Variants in USP33 observed in about 807,000 individuals in gnomAD.
The protein encoded by USP33 is ubiquitin carboxyl-terminal hydrolase 33.
A neutral mutation model predicts 124.2 loss-of-function variants in USP33; 46 were observed. That is an observed-to-expected ratio of 0.37 (90% CI 0.29 to 0.47). The LOEUF is 0.47. Among genes scored for constraint, USP33 ranks in the 20% least tolerant of loss-of-function variants. The probability of loss-of-function intolerance (pLI) is 0.99; values close to 1 mark genes in which losing one functional copy is unlikely to be tolerated. For missense variants in USP33, 851 were observed against 1,070.6 expected (o/e 0.79, Z 2.86); for synonymous variants, 350 against 352.3 (o/e 0.99, Z 0.07).
Position 77,717,848 on chromosome 1 carries a change from G to A in USP33, c.1918+19C>T, listed in dbSNP as rs1352664313. ...TTTTTTTTTAAATCTAGGAACAACT[G>A]TTAAACCTATATACTTACTACTTGC... is the stretch of plus-strand genomic sequence containing the variant. On this transcript the variant is annotated intron_variant, in intron 17 of 23. Coordinates refer to ENST00000370794, the MANE Select transcript of USP33 (RefSeq NM_201624.3). The A allele has an allele frequency of 2.6e-6, 4 of 1,560,196 alleles. No homozygotes were observed.
intron 1 of USP33, among the ~76,000 whole-genome samples, chr1:77,752,077 T>C (rs1231393695): frequency 6.6e-6 from 1 of 152,032 alleles, no homozygotes; most frequent in East Asian, 1.9e-4. Context: ...TAATAGAAGA[T>C]AATCAATCAG....
intron 21 of USP33, among the ~76,000 whole-genome samples, chr1:77,702,949 T>C (rs903712663): frequency 6.6e-6 from 1 of 151,996 alleles, no homozygotes; most frequent in Admixed American, 6.6e-5. Context: ...GTGTAAGTAA[T>C]TGCCCATCTC....
In USP33 at chr1:77,714,799, A is replaced by T; in HGVS notation, c.2046-16T>A. ...GCTGCTCTTCCTATTAAGGACAATG[A>T]TTAGTTAAATTCAATATGCATTTTA... On this transcript the variant is annotated splice_polypyrimidine_tract_variant and intron_variant, in intron 18 of 23. Transcript: ENST00000370794. 1 of 1,605,772 alleles carries T rather than the reference A, an allele frequency of 6.2e-7. No homozygotes were observed. The highest frequency in any genetic ancestry group is 8.5e-7 in the Non-Finnish European group (1 of 1,178,614).
At chr1:77,722,297 G>T in intron 12 of USP33, 101 bp from the exon 13 acceptor site, 2 of 1,056,880 alleles carry the variant, frequency 1.9e-6, no homozygotes, top group Non-Finnish European at 1.2e-6. Context: ...GTTTAAATAA[G>T]CAAAAAAAAC....
intron 12 of USP33, 130 bp from the exon 13 acceptor site, chr1:77,722,326 C>A: frequency 2.3e-6 from 2 of 880,386 alleles, no homozygotes; most frequent in South Asian, 2.0e-5. Context: ...AAAAAAAACA[C>A]GCAAATTGAA....
At chr1:77,722,358 C>CAA (rs951911977) in intron 12 of USP33, 162 bp from the exon 13 acceptor site, 296 of 448,562 alleles carry the variant, frequency 6.6e-4, no homozygotes, top group South Asian at 9.6e-4. Flanking sequence ...GTCATAATAG[C>CAA]AAAAAAAAAA....
At chr1:77,704,987 C>G (rs1308407989) in intron 21 of USP33, among the ~76,000 whole-genome samples, 1 of 152,038 alleles carries the variant, frequency 6.6e-6, no homozygotes, top group African/African-American at 2.4e-5. Flanking sequence ...TCCTGTGGCC[C>G]TTGGCTTGCT....
chr1:77,757,665 A>G (rs1382077127), intron 1 of USP33, among the ~76,000 whole-genome samples: 12 of 152,226 alleles, frequency 7.9e-5, no homozygotes, highest in Non-Finnish European at 1.8e-4. Context: ...TTTCTTGTGA[A>G]GAGTCCACAG....
intron 10 of USP33, among the ~76,000 whole-genome samples, chr1:77,726,105 A>G (rs566162063): frequency 2.6e-5 from 4 of 152,282 alleles, no homozygotes; most frequent in African/African-American, 9.6e-5. Context: ...ATGTGCCACC[A>G]GGCCCACCTC....
In USP33 at chr1:77,744,881, T is replaced by A. The variant is rs560511078; in HGVS notation, c.-51-3133A>T. On this transcript the variant is annotated intron_variant, in intron 1 of 23. Coordinates refer to ENST00000370794, the MANE Select transcript of USP33 (RefSeq NM_201624.3). ...CAAATTTGGAATAAGTGCGACACGGTGCTAAGAATGTATATTCTGTTGATA... is the reference window on the plus strand; with the variant it reads ...CAAATTTGGAATAAGTGCGACACGGAGCTAAGAATGTATATTCTGTTGATA... Among the ~76,000 whole-genome samples, 3 of 152,248 alleles carry A rather than the reference T, an allele frequency of 2.0e-5. No individual in the cohort carries two copies. The East Asian group carries it at 5.8e-4, about 29-fold the overall frequency.
At chr1:77,731,370 T>C (rs916687715) in intron 7 of USP33, among the ~76,000 whole-genome samples, 1 of 152,190 alleles carries the variant, frequency 6.6e-6, no homozygotes, top group African/African-American at 2.4e-5. Context: ...TAGCAATTTA[T>C]AAGGAAGTAT....
At chr1:77,728,178 T>G in intron 10 of USP33, 117 bp downstream of exon 10, 5 of 1,181,420 alleles carry the variant, frequency 4.2e-6, no homozygotes, top group Non-Finnish European at 5.8e-6. Flanking sequence ...AATACTCACA[T>G]GCAAATACTG....
intron 21 of USP33, among the ~76,000 whole-genome samples, chr1:77,702,932 T>TA (rs1674210606): frequency 6.6e-6 from 1 of 151,980 alleles, no homozygotes; most frequent in African/African-American, 2.4e-5. Context: ...AAGTAGTGTG[T>TA]AGTAGTGTGT....
chr1:77,707,845 T>C (rs1674803872), intron 21 of USP33, among the ~76,000 whole-genome samples: 1 of 152,254 alleles, frequency 6.6e-6, no homozygotes. Context: ...ATTTATTTTT[T>C]TCCTTTCATT....
rs1371320812 is a variant in USP33, at chr1:77,740,955, T to C, written c.136-16A>G. The C allele has an allele frequency of 2.0e-6, 3 of 1,490,980 alleles. No homozygotes were observed. Among genetic ancestry groups the C allele is most frequent in the Admixed American group, 2.1e-5 (1 of 47,424 alleles). 92.4% of individuals were successfully genotyped at this position (1,490,980 alleles called of 1,614,324 possible). A position where few individuals can be genotyped will look rare whatever the true frequency, so the allele number is the denominator to read the frequency against. Reference sequence around the variant, plus strand: ...AACATCTATTCTATAAATAATTATATAGGAAGAAAAATAAGGTACTTTATA... The same window carrying C: ...AACATCTATTCTATAAATAATTATACAGGAAGAAAAATAAGGTACTTTATA... On this transcript the variant is annotated splice_polypyrimidine_tract_variant and intron_variant, in intron 3 of 23. Coordinates refer to ENST00000370794, the MANE Select transcript of USP33 (RefSeq NM_201624.3).
At chr1:77,713,549 T>A in intron 19 of USP33, 2 of 226,202 alleles carry the variant, frequency 8.8e-6, no homozygotes, top group Admixed American at 6.1e-5. Flanking sequence ...CACACCCAGC[T>A]AACTTTTCTT....
chr1:77,731,501 T>C (rs1677803726), intron 7 of USP33, among the ~76,000 whole-genome samples: 1 of 152,118 alleles, frequency 6.6e-6, no homozygotes, highest in African/African-American at 2.4e-5. Flanking sequence ...TGAAGGCAGT[T>C]AGATAACTAC....
intron 21 of USP33, 39 bp from the exon 22 acceptor site, chr1:77,701,510 A>C: frequency 2.6e-6 from 4 of 1,530,388 alleles, no homozygotes; most frequent in Non-Finnish European, 2.7e-6. Flanking sequence ...AATATCTAAA[A>C]CTTGCTTTAT....
rs780887919 is a variant in USP33, at chr1:77,725,779, T to C, written c.1136-17A>G. The C allele has an allele frequency of 6.3e-7, 1 of 1,598,366 alleles. No homozygotes were observed. Among genetic ancestry groups the C allele is most frequent in the Admixed American group, 1.7e-5 (1 of 57,332 alleles). ...TGATATATTCTGTAAGATTTAAAATTTGCATTATTACCTTAAATAGTAAAA... is the reference window on the plus strand; with the variant it reads ...TGATATATTCTGTAAGATTTAAAATCTGCATTATTACCTTAAATAGTAAAA... On this transcript the variant is annotated splice_polypyrimidine_tract_variant and intron_variant, in intron 10 of 23. Coordinates refer to ENST00000370794, the MANE Select transcript of USP33 (RefSeq NM_201624.3).
Sources: allele counts gnomAD v4.1 joint callset (sites outside exome capture counted in the v4.1 genomes callset), GRCh38; gene constraint gnomAD v4.1.1; transcripts MANE v1.5; gene names NCBI Gene and HGNC (gene_info 2026-07-23, HGNC 2026-07-21).